Variants in PLEKHA2 observed in about 807,000 individuals in gnomAD.
PLEKHA2 encodes pleckstrin homology domain containing A2, also known as pleckstrin homology domain-containing family A member 2.
Under a neutral mutation model 53.2 loss-of-function variants are expected in PLEKHA2, and 28 were observed. The ratio of observed to expected loss-of-function variants is 0.53; its 90% confidence interval spans 0.39 to 0.72. The LOEUF (loss-of-function observed/expected upper bound fraction) is 0.72. Among genes scored for constraint, PLEKHA2 ranks in the 30% least tolerant of loss-of-function variants. PLEKHA2 has a pLI of 0.00. For missense variants in PLEKHA2, 426 were observed against 537.9 expected (o/e 0.79, Z 2.06); for synonymous variants, 193 against 196.4 (o/e 0.98, Z 0.14).
chr8:38,929,927 G>A (rs1834359346), intron 2 of PLEKHA2, among the ~76,000 whole-genome samples: 1 of 152,204 alleles, frequency 6.6e-6, no homozygotes, highest in Non-Finnish European at 1.5e-5. Flanking sequence ...GACTCTCACT[G>A]GAAGAGGCGG....
intron 2 of PLEKHA2, 145 bp downstream of exon 2, chr8:38,918,215 C>T (rs1834096784): frequency 9.3e-7 from 1 of 1,080,158 alleles, no homozygotes; most frequent in Admixed American, 2.7e-5. Context: ...ACAACACACA[C>T]AGACACACAC....
At position 38,915,148 on chromosome 8, in the gene PLEKHA2, G is replaced by T. The variant is rs549221607; in HGVS notation, c.-23-2759G>T. On this transcript the variant is annotated intron_variant, in intron 1 of 11. Transcript: ENST00000617275. ...TTTTGTGGAGACGAGGTCTCACTGT[G>T]TTGCGCACGTTGGTCTCAAACCCCT... Among the ~76,000 whole-genome samples the T allele has an allele frequency of 4.6e-5, 7 of 152,220 alleles. No individual in the cohort carries two copies. In the South Asian group the frequency reaches 1.5e-3, roughly 32 times the overall value.
At chr8:38,902,281 GA>G (rs1327505363) in intron 1 of PLEKHA2, among the ~76,000 whole-genome samples, 1 of 151,934 alleles carries the variant, frequency 6.6e-6, no homozygotes, top group African/African-American at 2.4e-5. Flanking sequence ...CACGCCCAGA[GA>G]GGGGCGCAGG....
At chr8:38,916,631 A>G (rs572296336) in intron 1 of PLEKHA2, among the ~76,000 whole-genome samples, 1 of 152,208 alleles carries the variant, frequency 6.6e-6, no homozygotes, top group Non-Finnish European at 1.5e-5. Flanking sequence ...ATAGTACTCC[A>G]TTGTGTATAT....
intron 8 of PLEKHA2, among the ~76,000 whole-genome samples, 181 bp from the exon 9 acceptor site, chr8:38,953,116 C>T (rs1444463083): frequency 6.6e-6 from 1 of 152,156 alleles, no homozygotes; most frequent in East Asian, 1.9e-4. Flanking sequence ...CCTGGTATTA[C>T]AGGCATGAGC....
chr8:38,918,754 T>C (rs1369820048), intron 2 of PLEKHA2, among the ~76,000 whole-genome samples: 1 of 147,188 alleles, frequency 6.8e-6, no homozygotes, highest in South Asian at 2.2e-4. Flanking sequence ...GCACACACCA[T>C]ACACACACAT....
rs1035937692 is a variant in PLEKHA2 at position 38,952,778 on chromosome 8, A to C, written c.702+74A>C. On this transcript the variant is annotated intron_variant, in intron 8 of 11. Coordinates refer to ENST00000617275, the MANE Select transcript of PLEKHA2 (RefSeq NM_021623.2). ...GTGCATAGGTGCACACCCACAGGAG[A>C]GCGTGCATGAGTGGAGATGTGGGCA... is the stretch of plus-strand genomic sequence containing the variant. 3 of 1,441,328 alleles carry C rather than the reference A, an allele frequency of 2.1e-6. No homozygotes were observed. The African/African-American group carries it at 4.2e-5, about 20-fold the overall frequency. The allele number at this position is 1,441,328 out of a possible 1,614,324, so 89.3% of individuals were successfully genotyped here. A position where few individuals can be genotyped will look rare whatever the true frequency, so the allele number is the denominator to read the frequency against.
At position 38,972,097 on chromosome 8, in the gene PLEKHA2, C is replaced by T. The variant is rs975688138; in HGVS notation, c.*2314C>T. The T allele has an allele frequency of 6.6e-6, 1 of 152,064 alleles. No homozygotes were observed. Among genetic ancestry groups the T allele is most frequent in the East Asian group, 1.9e-4 (1 of 5,194 alleles). The allele number at this position is 152,064 out of a possible 1,614,324, so 9.4% of individuals were successfully genotyped here. A position where few individuals can be genotyped will look rare whatever the true frequency, so the allele number is the denominator to read the frequency against. Reference sequence around the variant, plus strand: ...ATGGTATTATCCTGATAAAGGGAAACGAGGACACTAAGACTGTCAAATGGA... The same window carrying T: ...ATGGTATTATCCTGATAAAGGGAAATGAGGACACTAAGACTGTCAAATGGA... On this transcript the variant is annotated 3_prime_UTR_variant, in exon 12 of 12. Transcript: ENST00000617275.
intron 1 of PLEKHA2, among the ~76,000 whole-genome samples, chr8:38,916,575 C>A (rs543055825): frequency 1.3e-5 from 2 of 152,336 alleles, no homozygotes; most frequent in African/African-American, 4.8e-5. Context: ...CCAGTTCCAT[C>A]CATGTTGTTG....
chr8:38,939,756 G>A (rs1564131718), intron 3 of PLEKHA2, among the ~76,000 whole-genome samples: 1 of 152,172 alleles, frequency 6.6e-6, no homozygotes, highest in Non-Finnish European at 1.5e-5. Flanking sequence ...AAGCCAGAAA[G>A]GGTCTTGGAG....
chr8:38,963,380 G>A (rs1376106465), intron 10 of PLEKHA2, among the ~76,000 whole-genome samples: 2 of 152,184 alleles, frequency 1.3e-5, no homozygotes, highest in African/African-American at 4.8e-5. Flanking sequence ...TTCATCATGG[G>A]TGGGTAGACT....
chr8:38,909,665 C>T (rs1343603522), intron 1 of PLEKHA2, among the ~76,000 whole-genome samples: 2 of 152,150 alleles, frequency 1.3e-5, no homozygotes, highest in Admixed American at 6.5e-5. Context: ...TGCAATACCT[C>T]CCAGTGCCCC....
At chr8:38,939,696 C>G (rs1588257016) in intron 3 of PLEKHA2, among the ~76,000 whole-genome samples, 1 of 152,340 alleles carries the variant, frequency 6.6e-6, no homozygotes, top group East Asian at 1.9e-4. Flanking sequence ...GGTGCTCTCT[C>G]TAGTCAGTGA....
chr8:38,946,375 G>T (rs13259004), intron 5 of PLEKHA2, among the ~76,000 whole-genome samples, 154 bp downstream of exon 5: 45,074 of 152,078 alleles, frequency 0.3, 6,901 homozygotes, highest in Non-Finnish European at 0.32. Flanking sequence ...TTTTTCCTTG[G>T]CTGACCAAAC....
chr8:38,956,843 G>A (rs139618724), intron 9 of PLEKHA2, among the ~76,000 whole-genome samples: 219 of 152,280 alleles, frequency 1.4e-3, no homozygotes, highest in African/African-American at 4.8e-3. Context: ...CTGAGTGTGG[G>A]TCTGGGTTTC....
intron 1 of PLEKHA2, among the ~76,000 whole-genome samples, chr8:38,907,463 C>T (rs983621403): frequency 1.3e-5 from 2 of 152,180 alleles, no homozygotes; most frequent in South Asian, 2.1e-4. Context: ...TTACTTAATA[C>T]CTTTATAGCT....
intron 10 of PLEKHA2, among the ~76,000 whole-genome samples, chr8:38,967,651 T>A (rs1017105535): frequency 1.4e-4 from 21 of 152,064 alleles, no homozygotes; most frequent in African/African-American, 4.8e-4. Context: ...AAACTATTCA[T>A]GTCCTTTGCT....
chr8:38,952,205 C>T lies in PLEKHA2; in HGVS notation c.526C>T (p.His176Tyr). The T allele has an allele frequency of 6.2e-7, 1 of 1,613,272 alleles. No homozygotes were observed. Among genetic ancestry groups the T allele is most frequent in the East Asian group, 2.2e-5 (1 of 44,852 alleles). ...GCAGGAAGGGAGTGAGCCCGGGTCC[C>T]ACACCATCCTTCGAAGGTCTCAGAG... is the stretch of plus-strand genomic sequence containing the variant. Reference protein sequence around the residue: ...DGQEGSEPGSHTILRRSQSYI... With the variant: ...DGQEGSEPGSYTILRRSQSYI... The change falls in exon 7 of 12, where the codon CAC (histidine) becomes TAC (tyrosine). Residue 176 changes from histidine (H) to tyrosine (Y), a missense_variant. Physicochemically the swap from His to Tyr is moderately conservative, Grantham distance 83 (BLOSUM62 2). Transcript: ENST00000617275.
At chr8:38,943,921 T>C (rs997780555) in intron 4 of PLEKHA2, 84 bp downstream of exon 4, 2 of 1,159,926 alleles carry the variant, frequency 1.7e-6, no homozygotes, top group African/African-American at 1.6e-5. Flanking sequence ...TGTGATCACA[T>C]GTGACTATAC....
Sources: gnomAD v4.1 joint callset for allele counts (sites outside exome capture counted in the v4.1 genomes callset) on GRCh38, gnomAD v4.1.1 for gene constraint, MANE v1.5 for transcripts, NCBI Gene and HGNC (gene_info 2026-07-23, HGNC 2026-07-21) for gene names.